AGBL4: variants seen among roughly 807,000 people sequenced by gnomAD.
AGBL4 encodes cytosolic carboxypeptidase 6.
In AGBL4, 58 loss-of-function variants were observed where a neutral mutation model predicts 66.4. The ratio of observed to expected loss-of-function variants is 0.87; its 90% CI spans 0.71 to 1.09. The LOEUF (loss-of-function observed/expected upper bound fraction) is 1.09. Among genes scored for constraint, AGBL4 ranks in the 50% least tolerant of loss-of-function variants. The pLI is 0.00. For missense variants in AGBL4, 579 were observed against 631.0 expected, an observed-to-expected ratio of 0.92 and a Z score of 0.88; for synonymous variants, 234 against 222.9, an observed-to-expected ratio of 1.05 and a Z score of -0.44.
In AGBL4 at chr1:49,162,280, T is replaced by C. The variant is rs1034051058; in HGVS notation, c.377+83490A>G. On this transcript the variant is annotated intron_variant, in intron 4 of 13. Coordinates refer to ENST00000371839, the MANE Select transcript of AGBL4 (RefSeq NM_032785.4). ...TTATTTTTCTATTATGTCCCTAAAA[T>C]TGACATTTACTCTGTCCAGAAATTG... 5.3e-4 allele frequency among the ~76,000 whole-genome samples: 81 copies of C among 152,144 alleles called. 1 individual carries two copies. Among genetic ancestry groups the C allele is most frequent in the African/African-American group, 1.9e-3 (79 of 41,426 alleles).
At chr1:48,972,224 C>A (rs775848447) in intron 5 of AGBL4, among the ~76,000 whole-genome samples, 1 of 152,096 alleles carries the variant, frequency 6.6e-6, no homozygotes, top group Non-Finnish European at 1.5e-5. Context: ...GGACTGAGGG[C>A]AACAGAGGTA....
intron 3 of AGBL4, among the ~76,000 whole-genome samples, chr1:49,467,317 A>C (rs1027144598): frequency 6.6e-6 from 1 of 151,904 alleles, no homozygotes; most frequent in Non-Finnish European, 1.5e-5. Context: ...GTTAGACATG[A>C]AAGATCAAAT....
intron 3 of AGBL4, among the ~76,000 whole-genome samples, chr1:49,284,145 A>G (rs1644348712): frequency 1.3e-5 from 2 of 152,208 alleles, no homozygotes; most frequent in Admixed American, 1.3e-4. Context: ...CTCAAAGGGA[A>G]GCCCATCAGA....
chr1:49,859,685 C>T (rs1646520599), intron 1 of AGBL4, among the ~76,000 whole-genome samples: 1 of 151,702 alleles, frequency 6.6e-6, no homozygotes, highest in African/African-American at 2.4e-5. Flanking sequence ...CTAAAAATTA[C>T]CCCCCAGTAT....
chr1:49,509,029 G>A, intron 3 of AGBL4, among the ~76,000 whole-genome samples: 1 of 151,616 alleles, frequency 6.6e-6, no homozygotes, highest in South Asian at 2.1e-4. Flanking sequence ...CAAACACAAA[G>A]CCAACTATGA....
At chr1:49,064,489 T>C (rs1004633858) in intron 4 of AGBL4, among the ~76,000 whole-genome samples, 1 of 152,198 alleles carries the variant, frequency 6.6e-6, no homozygotes, top group Non-Finnish European at 1.5e-5. Context: ...TGTGGCTTAT[T>C]CTCCCTGATA....
chr1:49,816,714 A>G (rs913340404), intron 2 of AGBL4, among the ~76,000 whole-genome samples: 4 of 152,212 alleles, frequency 2.6e-5, no homozygotes, highest in African/African-American at 9.6e-5. Flanking sequence ...AGGAAATGTA[A>G]CAACTTACAG....
intron 3 of AGBL4, among the ~76,000 whole-genome samples, chr1:49,297,127 T>C (rs531489524): frequency 1.3e-5 from 2 of 152,386 alleles, no homozygotes; most frequent in African/African-American, 4.8e-5. Context: ...TTCTCATTTT[T>C]GTCAATCCCT....
At chr1:49,409,416 G>T (rs1645271803) in intron 3 of AGBL4, among the ~76,000 whole-genome samples, 1 of 152,112 alleles carries the variant, frequency 6.6e-6, no homozygotes, top group South Asian at 2.1e-4. Flanking sequence ...TCAGAGAAAT[G>T]AGACACTTTT....
chr1:49,666,788 T>C (rs1040273299), intron 3 of AGBL4, among the ~76,000 whole-genome samples: 1 of 152,132 alleles, frequency 6.6e-6, no homozygotes, highest in Non-Finnish European at 1.5e-5. Context: ...TAGGTACCAT[T>C]ACCATCCTTA....
At chr1:49,038,611 A>T (rs1246905312) in intron 5 of AGBL4, among the ~76,000 whole-genome samples, 2 of 152,152 alleles carry the variant, frequency 1.3e-5, no homozygotes, top group African/African-American at 2.4e-5. Context: ...GCTTTACATC[A>T]TATGTCACTT....
intron 5 of AGBL4, among the ~76,000 whole-genome samples, chr1:49,043,033 G>C (rs1643984430): frequency 6.6e-6 from 1 of 152,114 alleles, no homozygotes; most frequent in Non-Finnish European, 1.5e-5. Flanking sequence ...AATGTTATGA[G>C]TAATGAATGA....
intron 2 of AGBL4, among the ~76,000 whole-genome samples, chr1:49,774,541 C>A (rs1177986048): frequency 6.6e-6 from 1 of 152,174 alleles, no homozygotes; most frequent in East Asian, 1.9e-4. Context: ...TTGCTAATGT[C>A]ACTGCCTAAA....
intron 3 of AGBL4, among the ~76,000 whole-genome samples, chr1:49,654,575 T>C (rs1646079374): frequency 6.6e-6 from 1 of 152,186 alleles, no homozygotes. Context: ...TTTGTAGGTC[T>C]CTAAGGACTT....
intron 6 of AGBL4, among the ~76,000 whole-genome samples, chr1:48,862,670 G>GT (rs1647599347): frequency 6.6e-6 from 1 of 152,138 alleles, no homozygotes; most frequent in Non-Finnish European, 1.5e-5. Flanking sequence ...ACTGGACTCT[G>GT]CAAATGGCAA....
intron 6 of AGBL4, among the ~76,000 whole-genome samples, chr1:48,689,952 C>T (rs897625948): frequency 6.6e-6 from 1 of 152,186 alleles, no homozygotes; most frequent in Non-Finnish European, 1.5e-5. Context: ...GAGGTGACAC[C>T]TGGTCTGGAA....
intron 3 of AGBL4, among the ~76,000 whole-genome samples, chr1:49,564,928 T>A (rs1644153950): frequency 6.6e-6 from 1 of 152,166 alleles, no homozygotes; most frequent in South Asian, 2.1e-4. Context: ...CCCATTATTA[T>A]TGTGTGGGAG....
intron 4 of AGBL4, among the ~76,000 whole-genome samples, chr1:49,233,765 T>C (rs1190700043): frequency 6.6e-6 from 1 of 152,220 alleles, no homozygotes; most frequent in Non-Finnish European, 1.5e-5. Context: ...AATCATTTAA[T>C]AAATATTTGA....
intron 8 of AGBL4, among the ~76,000 whole-genome samples, chr1:48,643,697 G>T (rs1447927866): frequency 6.6e-6 from 1 of 152,240 alleles, no homozygotes; most frequent in Non-Finnish European, 1.5e-5. Context: ...GGAATGAAAA[G>T]AATGGGTCTT....
Sources: gnomAD v4.1 joint callset for allele counts (sites outside exome capture counted in the v4.1 genomes callset) on GRCh38, gnomAD v4.1.1 for gene constraint, MANE v1.5 for transcripts, NCBI Gene and HGNC (gene_info 2026-07-23, HGNC 2026-07-21) for gene names.